Variants in FTCDNL1 observed in about 807,000 individuals in gnomAD.
FTCDNL1 encodes the protein formiminotransferase cyclodeaminase N-terminal like.
A neutral mutation model predicts 5.9 loss-of-function variants in FTCDNL1; 11 were observed. The observed-to-expected ratio is 1.87, with a 90% CI of 1.18 to 3.10. The LOEUF is 3.10. FTCDNL1 is among the 30% of genes most tolerant of loss of function. The pLI, the probability that FTCDNL1 is intolerant of heterozygous loss-of-function variation, is 0.00. For synonymous variants in FTCDNL1, 58 were observed against 24.8 expected (o/e 2.34, Z -3.99); for missense variants, 115 against 65.5 (o/e 1.76, Z -2.61).
intron 4 of FTCDNL1, among the ~76,000 whole-genome samples, chr2:199,813,653 C>T (rs1701166409): frequency 6.6e-6 from 1 of 152,110 alleles, no homozygotes; most frequent in Admixed American, 6.5e-5. Context: ...TGGATCATAC[C>T]TATAATCCCA....
intron 3 of FTCDNL1, among the ~76,000 whole-genome samples, chr2:199,829,288 A>G (rs959677114): frequency 3.9e-5 from 6 of 152,202 alleles, no homozygotes; most frequent in Non-Finnish European, 7.3e-5. Context: ...GGGTTGATTT[A>G]AGGAAATACT....
chr2:199,695,518 T>C, the FTCDNL1 span, among the ~76,000 whole-genome samples: 1 of 151,994 alleles, frequency 6.6e-6, no homozygotes, highest in Non-Finnish European at 1.5e-5. Flanking sequence ...TCATTGAAAG[T>C]GGATGGAGAG....
the FTCDNL1 span, among the ~76,000 whole-genome samples, chr2:199,748,244 G>A: frequency 1.1e-4 from 16 of 152,194 alleles, no homozygotes; most frequent in East Asian, 2.9e-3. Context: ...TACATACTAC[G>A]GAAAGAGTTT....
the FTCDNL1 span, among the ~76,000 whole-genome samples, chr2:199,753,434 A>G: frequency 6.6e-6 from 1 of 152,250 alleles, no homozygotes; most frequent in African/African-American, 2.4e-5. Flanking sequence ...TGCTGAGGAC[A>G]GTGCATCTTC....
At chr2:199,758,121 T>C (rs929852279), downstream of FTCDNL1, among the ~76,000 whole-genome samples, 2 of 152,076 alleles carry the variant, frequency 1.3e-5, no homozygotes, top group South Asian at 4.1e-4. Context: ...TAATGTTTTA[T>C]TCTGGAATTT....
chr2:199,735,702 T>C, the FTCDNL1 span, among the ~76,000 whole-genome samples: 1 of 152,168 alleles, frequency 6.6e-6, no homozygotes, highest in East Asian at 1.9e-4. Flanking sequence ...AAGCACACGG[T>C]ATGCAGACGC....
rs538093676 is a variant in FTCDNL1 at position 199,791,925 on chromosome 2, T to C, written c.212-31090A>G. ...TACATTTGTATATAGTATCACCTTT[T>C]ATAAATTATTTACATGAGCTAATTT... is the stretch of plus-strand genomic sequence containing the variant. On this transcript the variant is annotated intron_variant, in intron 3 of 3. Transcript: ENST00000416668. Among the ~76,000 whole-genome samples the C allele has an allele frequency of 3.3e-5, 5 of 152,270 alleles. No homozygotes were observed. The East Asian group carries it at 9.6e-4, about 29-fold the overall frequency.
chr2:199,718,093 G>A, the FTCDNL1 span, among the ~76,000 whole-genome samples: 1 of 151,932 alleles, frequency 6.6e-6, no homozygotes, highest in African/African-American at 2.4e-5. Context: ...AGATTTAGGG[G>A]TACCAGTGCA....
rs933369685 is a variant in FTCDNL1 at position 199,772,265 on chromosome 2, T to C, written c.212-11430A>G. Among the ~76,000 whole-genome samples the C allele has an allele frequency of 2.6e-4, 39 of 152,190 alleles. 1 individual carries two copies. Among genetic ancestry groups the C allele is most frequent in the African/African-American group, 8.9e-4 (37 of 41,438 alleles). On this transcript the variant is annotated intron_variant, in intron 3 of 3. Coordinates refer to the FTCDNL1 transcript ENST00000416668. ...TTAGAGTAGCATACAACTTAAAGCT[T>C]ATAAATTGTTTATCTCTGGAACTTT...
the FTCDNL1 span, among the ~76,000 whole-genome samples, chr2:199,711,914 G>C: frequency 6.6e-6 from 1 of 152,154 alleles, no homozygotes; most frequent in Admixed American, 6.5e-5. Flanking sequence ...AGTCTAGGAA[G>C]AGAACTAAAG....
the FTCDNL1 span, among the ~76,000 whole-genome samples, chr2:199,743,801 A>T: frequency 6.6e-6 from 1 of 152,152 alleles, no homozygotes; most frequent in Non-Finnish European, 1.5e-5. Flanking sequence ...AATTGAAGGG[A>T]ATAGAAATTT....
the FTCDNL1 span, among the ~76,000 whole-genome samples, chr2:199,731,610 A>G: frequency 6.6e-6 from 1 of 152,198 alleles, no homozygotes; most frequent in Non-Finnish European, 1.5e-5. Context: ...ATTATCCACC[A>G]GGAAAAATCC....
the FTCDNL1 span, among the ~76,000 whole-genome samples, chr2:199,666,202 A>C: frequency 6.6e-6 from 1 of 152,272 alleles, no homozygotes; most frequent in African/African-American, 2.4e-5. Context: ...CAATAAAAAT[A>C]ATTGTGGTTG....
the FTCDNL1 span, among the ~76,000 whole-genome samples, chr2:199,681,510 T>C: frequency 6.6e-6 from 1 of 152,026 alleles, no homozygotes; most frequent in Non-Finnish European, 1.5e-5. Flanking sequence ...CTTTGGAGGG[T>C]TGGGAGTCTC....
chr2:199,793,393 G>A lies in FTCDNL1; in HGVS notation c.212-32558C>T, dbSNP rs78815454. Reference sequence around the variant, plus strand: ...GGGGGGCATTACTTGAGAAGCAAGTGAAAGAAACATAAAATATATATGACT... The same window carrying A: ...GGGGGGCATTACTTGAGAAGCAAGTAAAAGAAACATAAAATATATATGACT... On this transcript the variant is annotated intron_variant, in intron 3 of 3. Transcript: ENST00000416668. 1.4e-3 allele frequency among the ~76,000 whole-genome samples: 211 copies of A among 152,168 alleles called. 1 individual carries two copies. Among genetic ancestry groups the A allele is most frequent in the African/African-American group, 4.8e-3 (201 of 41,534 alleles).
At chr2:199,708,786 CT>C in the FTCDNL1 span, among the ~76,000 whole-genome samples, 1 of 152,128 alleles carries the variant, frequency 6.6e-6, no homozygotes, top group Admixed American at 6.6e-5. Flanking sequence ...CCTGTTTGGT[CT>C]TTGACCAAAT....
chr2:199,820,789 C>T (rs992382595), intron 3 of FTCDNL1, among the ~76,000 whole-genome samples: 6 of 152,154 alleles, frequency 3.9e-5, no homozygotes, highest in African/African-American at 1.2e-4. Context: ...CGGACCTCTG[C>T]TTGTTTTCTA....
chr2:199,713,286 C>A, the FTCDNL1 span, among the ~76,000 whole-genome samples: 32 of 152,144 alleles, frequency 2.1e-4, no homozygotes, highest in South Asian at 3.5e-3. Context: ...GCATGAAAAC[C>A]TAAAACACCA....
At chr2:199,709,373 A>G in the FTCDNL1 span, among the ~76,000 whole-genome samples, 6 of 152,136 alleles carry the variant, frequency 3.9e-5, no homozygotes, top group African/African-American at 1.4e-4. Context: ...AGTCCTAGCC[A>G]ATAACAGCCC....
Sources: allele counts gnomAD v4.1 joint callset (sites outside exome capture counted in the v4.1 genomes callset), GRCh38; gene constraint gnomAD v4.1.1; transcripts MANE v1.5; gene names NCBI Gene and HGNC (gene_info 2026-07-23, HGNC 2026-07-21).